KCNJ12: variants seen among roughly 807,000 people sequenced by gnomAD.
KCNJ12 encodes ATP-sensitive inward rectifier potassium channel 12.
KCNJ12 carries 2 observed loss-of-function variants against 22.3 expected under a neutral mutation model. The ratio of observed to expected loss-of-function variants is 0.09; its 90% CI spans 0.04 to 0.28. KCNJ12 has a LOEUF of 0.28. KCNJ12 is among the 10% of genes least tolerant of loss of function. KCNJ12 has a pLI of 1.00. For missense variants in KCNJ12, 155 were observed against 633.3 expected (o/e 0.24, Z 8.11); for synonymous variants, 117 against 261.4 (o/e 0.45, Z 5.33).
At chr17:21,381,298 A>G (rs1904859645) in intron 1 of KCNJ12, among the ~76,000 whole-genome samples, 2 of 152,034 alleles carry the variant, frequency 1.3e-5, no homozygotes, top group South Asian at 4.1e-4. Context: ...GGAACAAACA[A>G]TAAAGCTTAT....
chr17:21,404,346 C>G (rs1367132803), intron 1 of KCNJ12, among the ~76,000 whole-genome samples: 1 of 152,298 alleles, frequency 6.6e-6, no homozygotes, highest in Non-Finnish European at 1.5e-5. Flanking sequence ...TCCCCACTGG[C>G]AGATACTCCT....
chr17:21,414,512 G>C (rs1293800428), intron 2 of KCNJ12, among the ~76,000 whole-genome samples: 1 of 152,304 alleles, frequency 6.6e-6, no homozygotes, highest in Non-Finnish European at 1.5e-5. Flanking sequence ...AAAAGAAAAT[G>C]TGCTACCCTT....
rs1207941963 is a variant in KCNJ12, at chr17:21,387,314, C to T, written c.-179+10401C>T. 2.6e-4 allele frequency among the ~76,000 whole-genome samples: 35 copies of T among 134,504 alleles called. No homozygotes were observed. In the East Asian group the frequency reaches 4.4e-3, roughly 17 times the overall value. 88.2% of individuals were successfully genotyped at this position (134,504 alleles called of 152,430 possible). On this transcript the variant is annotated intron_variant, in intron 1 of 2. Transcript: ENST00000583088. Reference sequence around the variant, plus strand: ...AAAATTAGCCGGGCGTGGTGGCAGGCGCCTGTAGTCCCAGCTACTCGGGAG... The same window carrying T: ...AAAATTAGCCGGGCGTGGTGGCAGGTGCCTGTAGTCCCAGCTACTCGGGAG...
In KCNJ12 at chr17:21,385,508, C is replaced by T. The variant is rs549383843; in HGVS notation, c.-179+8595C>T. 2.0e-5 allele frequency among the ~76,000 whole-genome samples: 3 copies of T among 152,348 alleles called. No homozygotes were observed. The South Asian group carries it at 6.2e-4, about 32-fold the overall frequency. ...CTGCTGGGCTGCAAGCTGTCAGCAGCACCTGCCCAGTCAGAGCGGCCAGGT... is the reference window on the plus strand; with the variant it reads ...CTGCTGGGCTGCAAGCTGTCAGCAGTACCTGCCCAGTCAGAGCGGCCAGGT... On this transcript the variant is annotated intron_variant, in intron 1 of 2. Coordinates refer to ENST00000583088, the MANE Select transcript of KCNJ12 (RefSeq NM_021012.5).
chr17:21,419,321 TG>T lies in KCNJ12; in HGVS notation c.*2678del, dbSNP rs1555563427. Reference sequence around the variant, plus strand: ...GTGTGTGTGTGTGTGTGTGTGTGTGTGTGTGTGTATGCAGGCGGTTATGTGT... The same window carrying T: ...GTGTGTGTGTGTGTGTGTGTGTGTGTTGTGTGTATGCAGGCGGTTATGTGT... On this transcript the variant is annotated 3_prime_UTR_variant, in exon 3 of 3. Transcript: ENST00000583088. 165 of 167,138 alleles carry T rather than the reference TG, an allele frequency of 9.9e-4. No homozygotes were observed. Among genetic ancestry groups the T allele is most frequent in the African/African-American group, 3.7e-3 (154 of 41,392 alleles). The allele number at this position is 167,138 out of a possible 1,614,324, so 10.4% of individuals were successfully genotyped here. A position where few individuals can be genotyped will look rare whatever the true frequency, so the allele number is the denominator to read the frequency against.
chr17:21,413,719 CTG>C (rs1444151856), intron 2 of KCNJ12, among the ~76,000 whole-genome samples: 1 of 152,310 alleles, frequency 6.6e-6, no homozygotes, highest in Non-Finnish European at 1.5e-5. Flanking sequence ...GCAGCACAGC[CTG>C]TGTGTCCCGG....
intron 1 of KCNJ12, chr17:21,405,265 A>G (rs1905864977): frequency 6.6e-6 from 1 of 152,230 alleles, no homozygotes; most frequent in African/African-American, 2.4e-5. Context: ...ACACTGCTGC[A>G]TCGTCTCTGT....
chr17:21,414,291 A>G (rs1173093517), intron 2 of KCNJ12, among the ~76,000 whole-genome samples: 3 of 152,290 alleles, frequency 2.0e-5, no homozygotes, highest in African/African-American at 7.2e-5. Flanking sequence ...CCTGGCCAAC[A>G]TGGTGAAACC....
chr17:21,385,840 TAGAG>T (rs782301534), intron 1 of KCNJ12, among the ~76,000 whole-genome samples: 60 of 152,066 alleles, frequency 3.9e-4, no homozygotes, highest in Non-Finnish European at 6.3e-4. Context: ...AGGCAGGTAA[TAGAG>T]AGGAGACTGG....
At chr17:21,377,777 G>T (rs1446992691) in intron 1 of KCNJ12, among the ~76,000 whole-genome samples, 1 of 152,202 alleles carries the variant, frequency 6.6e-6, no homozygotes. Flanking sequence ...TGATCAGAAT[G>T]GGGGTCAAAG....
At chr17:21,401,604 G>A (rs1905626783) in intron 1 of KCNJ12, among the ~76,000 whole-genome samples, 1 of 152,230 alleles carries the variant, frequency 6.6e-6, no homozygotes, top group Admixed American at 6.5e-5. Context: ...GGGAAACTGA[G>A]GCCCAGAGGG....
intron 2 of KCNJ12, 35 bp from the exon 3 acceptor site, chr17:21,415,252 C>G: frequency 6.5e-7 from 1 of 1,535,104 alleles, no homozygotes; most frequent in South Asian, 1.2e-5. Flanking sequence ...CCGGAGCCAC[C>G]AGCCCAGCCA....
intron 1 of KCNJ12, among the ~76,000 whole-genome samples, chr17:21,392,949 G>A (rs1555559482): frequency 6.6e-6 from 1 of 152,322 alleles, no homozygotes; most frequent in African/African-American, 2.4e-5. Context: ...GCTAGGGCAG[G>A]AAGATGTGGA....
At chr17:21,413,831 G>T (rs1218212987) in intron 2 of KCNJ12, among the ~76,000 whole-genome samples, 1 of 152,300 alleles carries the variant, frequency 6.6e-6, no homozygotes, top group Non-Finnish European at 1.5e-5. Context: ...CAGTAGGCTG[G>T]CCTGGAGCCA....
At chr17:21,411,788 C>T (rs1411759394) in intron 2 of KCNJ12, among the ~76,000 whole-genome samples, 1 of 152,430 alleles carries the variant, frequency 6.6e-6, no homozygotes, top group African/African-American at 2.4e-5. Flanking sequence ...CCTGTGTGTC[C>T]CTGGTGGAGG....
chr17:21,397,469 G>A (rs782434856), intron 1 of KCNJ12, among the ~76,000 whole-genome samples: 5 of 152,204 alleles, frequency 3.3e-5, no homozygotes, highest in South Asian at 2.1e-4. Flanking sequence ...TAAATAGCAC[G>A]CGATGTTTTC....
chr17:21,394,324 G>A (rs1028254746), intron 1 of KCNJ12, among the ~76,000 whole-genome samples: 1 of 152,214 alleles, frequency 6.6e-6, no homozygotes, highest in African/African-American at 2.4e-5. Flanking sequence ...GTTCAGTACA[G>A]TACTTGCTGT....
chr17:21,379,767 G>C (rs1555557712), intron 1 of KCNJ12, among the ~76,000 whole-genome samples: 1 of 147,762 alleles, frequency 6.8e-6, no homozygotes, highest in East Asian at 2.1e-4. Flanking sequence ...GTTGGCCAGA[G>C]CTTCAGAGGC....
intron 1 of KCNJ12, among the ~76,000 whole-genome samples, chr17:21,394,089 G>A (rs1555559628): frequency 6.6e-6 from 1 of 152,222 alleles, no homozygotes; most frequent in East Asian, 1.9e-4. Context: ...GTACTCATCT[G>A]TAAAATTATA....
Sources: allele counts gnomAD v4.1 joint callset (sites outside exome capture counted in the v4.1 genomes callset), GRCh38; gene constraint gnomAD v4.1.1; transcripts MANE v1.5; gene names NCBI Gene and HGNC (gene_info 2026-07-23, HGNC 2026-07-21).